Variants in KIAA0825 observed in about 807,000 individuals in gnomAD.
KIAA0825 encodes the protein uncharacterized protein KIAA0825.
A neutral mutation model predicts 147.6 loss-of-function variants in KIAA0825; 119 were observed. The ratio of observed to expected loss-of-function variants is 0.81; its 90% confidence interval spans 0.69 to 0.94. KIAA0825 has a LOEUF of 0.94. KIAA0825 is among the 40% of genes least tolerant of loss of function. The pLI is 0.00. For synonymous variants in KIAA0825, 470 were observed against 518.1 expected (o/e 0.91, Z 1.26); for missense variants, 1,381 against 1,472.7 (o/e 0.94, Z 1.02).
chr5:94,182,479 C>T (rs910073121), intron 20 of KIAA0825, among the ~76,000 whole-genome samples: 2 of 150,978 alleles, frequency 1.3e-5, no homozygotes, highest in Non-Finnish European at 1.5e-5. Context: ...AGGCTGGTTT[C>T]GAATTTCTGA....
chr5:94,318,825 G>T (rs1437612826), intron 20 of KIAA0825, among the ~76,000 whole-genome samples: 5 of 151,924 alleles, frequency 3.3e-5, no homozygotes, highest in Non-Finnish European at 5.9e-5. Context: ...AAGTAGGACA[G>T]GACCAGGAAC....
At position 94,477,214 on chromosome 5, in the gene KIAA0825, T is replaced by C. The variant is rs183531023; in HGVS notation, c.1133-9A>G. The C allele has an allele frequency of 7.7e-5, 117 of 1,521,156 alleles. No individual in the cohort carries two copies. The African/African-American group carries it at 1.5e-3, about 19-fold the overall frequency. The allele number at this position is 1,521,156 out of a possible 1,614,324, so 94.2% of individuals were successfully genotyped here. A position where few individuals can be genotyped will look rare whatever the true frequency, so the allele number is the denominator to read the frequency against. ...GGATTTCTCCAAAATTCCTAAGCAA[T>C]AGAAAAGAAAACAAACACACTAATA... On this transcript the variant is annotated splice_polypyrimidine_tract_variant and intron_variant, in intron 6 of 20. Coordinates refer to ENST00000682413, the MANE Select transcript of KIAA0825 (RefSeq NM_001145678.3).
chr5:94,224,347 C>A (rs545926399), intron 20 of KIAA0825, among the ~76,000 whole-genome samples: 1 of 151,820 alleles, frequency 6.6e-6, no homozygotes, highest in African/African-American at 2.4e-5. Context: ...CAGCCCATCT[C>A]GGCCTCCCAA....
At position 94,473,376 on chromosome 5, in the gene KIAA0825, A is replaced by G. The variant is rs1242118517; in HGVS notation, c.1371T>C (p.Tyr457=). ...EQNERSSAVS[Y]AMNLVNVQQV... ...GCTGGACATTTACAAGGTTCATAGC[A>G]TAGCTCACAGCTGAAGACCTTTCAT... The change falls in exon 8 of 21, where the codon TAT becomes TAC. Residue 457 remains tyrosine (Y), a synonymous_variant. Coordinates refer to ENST00000682413, the MANE Select transcript of KIAA0825 (RefSeq NM_001145678.3). 3 of 1,551,892 alleles carry G rather than the reference A, an allele frequency of 1.9e-6. No homozygotes were observed. The African/African-American group carries it at 4.1e-5, about 21-fold the overall frequency.
intron 20 of KIAA0825, among the ~76,000 whole-genome samples, chr5:94,362,773 A>C (rs915932455): frequency 1.3e-5 from 2 of 152,250 alleles, no homozygotes; most frequent in Non-Finnish European, 2.9e-5. Flanking sequence ...GGATGGAAGA[A>C]TGAACAAACA....
At chr5:94,242,204 A>G (rs1381913218) in intron 20 of KIAA0825, among the ~76,000 whole-genome samples, 1 of 152,192 alleles carries the variant, frequency 6.6e-6, no homozygotes, top group Non-Finnish European at 1.5e-5. Flanking sequence ...GCCATTTCAG[A>G]TTCAACTTGT....
intron 20 of KIAA0825, among the ~76,000 whole-genome samples, chr5:94,164,139 T>TAG (rs1767819869): frequency 6.6e-6 from 1 of 152,202 alleles, no homozygotes; most frequent in African/African-American, 2.4e-5. Flanking sequence ...TGAGCTAATC[T>TAG]AGATTCAGTG....
At chr5:94,184,126 G>T (rs1304733360) in intron 20 of KIAA0825, among the ~76,000 whole-genome samples, 1 of 152,150 alleles carries the variant, frequency 6.6e-6, no homozygotes, top group East Asian at 1.9e-4. Context: ...TGTCTACAGA[G>T]AACTGGAGAA....
intron 1 of KIAA0825, among the ~76,000 whole-genome samples, chr5:94,614,942 G>C (rs1790010927): frequency 1.3e-5 from 2 of 152,020 alleles, no homozygotes; most frequent in Middle Eastern, 6.8e-3. Context: ...TTGTGTATCA[G>C]ACAACACGTT....
At chr5:94,240,996 A>C (rs557623262) in intron 20 of KIAA0825, among the ~76,000 whole-genome samples, 22 of 152,166 alleles carry the variant, frequency 1.4e-4, no homozygotes, top group African/African-American at 5.1e-4. Flanking sequence ...TTAACAATGA[A>C]GTTATTGCTG....
At chr5:94,250,289 C>T (rs1421137595) in intron 20 of KIAA0825, among the ~76,000 whole-genome samples, 1 of 151,994 alleles carries the variant, frequency 6.6e-6, no homozygotes, top group Admixed American at 6.6e-5. Context: ...CCAAAGTTGG[C>T]ATATATTAAA....
chr5:94,347,456 A>T (rs906320783), intron 20 of KIAA0825, among the ~76,000 whole-genome samples: 1 of 152,232 alleles, frequency 6.6e-6, no homozygotes. Context: ...TGAGAGACCC[A>T]TAGACAGTTC....
intron 5 of KIAA0825, among the ~76,000 whole-genome samples, chr5:94,491,166 C>T (rs1584665766): frequency 1.3e-5 from 2 of 152,176 alleles, no homozygotes; most frequent in Non-Finnish European, 2.9e-5. Flanking sequence ...CTATTATTGA[C>T]TGTAAATGGA....
intron 20 of KIAA0825, among the ~76,000 whole-genome samples, chr5:94,275,887 T>G (rs1309889116): frequency 6.6e-6 from 1 of 152,134 alleles, no homozygotes; most frequent in Non-Finnish European, 1.5e-5. Context: ...AGCATCCTGA[T>G]TAAACAAATT....
chr5:94,160,647 TTAAA>T (rs1425932558), intron 20 of KIAA0825, among the ~76,000 whole-genome samples: 1 of 148,686 alleles, frequency 6.7e-6, no homozygotes, highest in East Asian at 1.9e-4. Flanking sequence ...TGTGTGTATA[TTAAA>T]TATATACTGT....
intron 15 of KIAA0825, among the ~76,000 whole-genome samples, chr5:94,412,497 T>G (rs1464439426): frequency 1.3e-5 from 2 of 152,000 alleles, no homozygotes; most frequent in Admixed American, 1.3e-4. Flanking sequence ...ACCTCCTGGG[T>G]TCAAGTGCTT....
At chr5:94,202,566 C>G (rs190350777) in intron 20 of KIAA0825, among the ~76,000 whole-genome samples, 1 of 152,202 alleles carries the variant, frequency 6.6e-6, no homozygotes, top group East Asian at 1.9e-4. Flanking sequence ...GGTTTCTGCA[C>G]CAGGAAACAC....
chr5:94,538,190 A>C (rs1233601067), intron 2 of KIAA0825, among the ~76,000 whole-genome samples: 6 of 152,232 alleles, frequency 3.9e-5, no homozygotes, highest in Non-Finnish European at 8.8e-5. Flanking sequence ...ATCAAAAATC[A>C]TACGGTGAGA....
intron 3 of KIAA0825, among the ~76,000 whole-genome samples, 199 bp from the exon 4 acceptor site, chr5:94,524,297 A>C (rs1030777020): frequency 7.3e-5 from 11 of 151,666 alleles, no homozygotes; most frequent in Non-Finnish European, 1.6e-4. Flanking sequence ...GCAGTAAAAA[A>C]TGTGATAGAG....
Sources: allele counts gnomAD v4.1 joint callset (sites outside exome capture counted in the v4.1 genomes callset), GRCh38; gene constraint gnomAD v4.1.1; transcripts MANE v1.5; gene names NCBI Gene and HGNC (gene_info 2026-07-23, HGNC 2026-07-21).